KLRD1: variants seen among roughly 807,000 people sequenced by gnomAD.
KLRD1 encodes killer cell lectin like receptor D1, also known as natural killer cells antigen CD94.
Under a neutral mutation model 22.6 loss-of-function variants are expected in KLRD1, and 21 were observed. The ratio of observed to expected loss-of-function variants is 0.93; its 90% CI spans 0.66 to 1.34. The LOEUF (loss-of-function observed/expected upper bound fraction) is 1.34. Among genes scored for constraint, KLRD1 ranks in the 40% most tolerant of loss-of-function variants. The pLI is 0.00. For missense variants in KLRD1, 183 were observed against 208.6 expected (o/e 0.88, Z 0.76); for synonymous variants, 59 against 71.1 (o/e 0.83, Z 0.85).
rs1565480055 is a variant in KLRD1, at chr12:10,327,248, C to T, written c.*12455C>T. 1.3e-5 allele frequency: 2 copies of T among 152,120 alleles called. No individual in the cohort carries two copies. The allele number at this position is 152,120 out of a possible 1,614,324, so 9.4% of individuals were successfully genotyped here. A position where few individuals can be genotyped will look rare whatever the true frequency, so the allele number is the denominator to read the frequency against. Reference sequence around the variant, plus strand: ...AAGTTCTCCAATCTGTTTAATTGGTCTATATGTTCATCTTTATGCCAGTGC... The same window carrying T: ...AAGTTCTCCAATCTGTTTAATTGGTTTATATGTTCATCTTTATGCCAGTGC... On this transcript the variant is annotated 3_prime_UTR_variant, in exon 6 of 6. Coordinates refer to ENST00000336164, the MANE Select transcript of KLRD1 (RefSeq NM_002262.5).
intron 1 of KLRD1, among the ~76,000 whole-genome samples, chr12:10,292,305 A>T (rs1196736112): frequency 1.3e-5 from 2 of 152,250 alleles, no homozygotes; most frequent in Non-Finnish European, 2.9e-5. Flanking sequence ...GAAGCCTTTC[A>T]GAAAGTTTTG....
chr12:10,310,737 A>G (rs573784322), intron 3 of KLRD1, among the ~76,000 whole-genome samples: 4 of 152,248 alleles, frequency 2.6e-5, no homozygotes, highest in African/African-American at 9.6e-5. Flanking sequence ...GGGAGCTGAG[A>G]TGGTGCCACT....
intron 3 of KLRD1, among the ~76,000 whole-genome samples, chr12:10,310,538 G>A (rs569536453): frequency 6.6e-5 from 10 of 152,294 alleles, no homozygotes; most frequent in South Asian, 2.1e-4. Context: ...AGTGGCTCAC[G>A]TCTGTAATCC....
chr12:10,240,335 A>G lies in KLRD1; in HGVS notation c.-101+14102A>G, dbSNP rs139221260. On this transcript the variant is annotated intron_variant, in intron 1 of 5. Transcript: ENST00000544747. Reference sequence around the variant, plus strand: ...TTCTGCCTCCCAAAGTGCTGGGATTACAGGCTGAGTCACCATGCCCAGCCC... The same window carrying G: ...TTCTGCCTCCCAAAGTGCTGGGATTGCAGGCTGAGTCACCATGCCCAGCCC... Among the ~76,000 whole-genome samples the G allele has an allele frequency of 2.8e-3, 424 of 151,972 alleles. 2 individuals are homozygous for G. Among genetic ancestry groups the G allele is most frequent in the African/African-American group, 9.6e-3 (398 of 41,452 alleles).
chr12:10,273,561 A>G (rs1450816015), intron 1 of KLRD1, among the ~76,000 whole-genome samples: 1 of 152,228 alleles, frequency 6.6e-6, no homozygotes, highest in Non-Finnish European at 1.5e-5. Flanking sequence ...ACACCACAGT[A>G]ACCACAGGTC....
At chr12:10,314,387 A>G (rs1950172914) in intron 5 of KLRD1, among the ~76,000 whole-genome samples, 1 of 152,194 alleles carries the variant, frequency 6.6e-6, no homozygotes, top group Non-Finnish European at 1.5e-5. Flanking sequence ...TACATCTTAA[A>G]TAAAATAGAA....
intron 1 of KLRD1, among the ~76,000 whole-genome samples, chr12:10,239,470 C>A (rs796212684): frequency 7.8e-5 from 2 of 25,798 alleles, no homozygotes; most frequent in East Asian, 1.6e-3. Flanking sequence ...TCCTTCCTTC[C>A]TTCCTTCCTT....
intron 1 of KLRD1, among the ~76,000 whole-genome samples, chr12:10,239,553 TTCTTTC>T (rs1230637311): frequency 2.4e-5 from 3 of 125,782 alleles, no homozygotes; most frequent in African/African-American, 1.3e-4. Flanking sequence ...CTTTCTTTCT[TTCTTTC>T]TTTCTTTCTT....
At chr12:10,298,049 A>C (rs1021872360) in intron 1 of KLRD1, among the ~76,000 whole-genome samples, 2 of 152,204 alleles carry the variant, frequency 1.3e-5, no homozygotes, top group African/African-American at 4.8e-5. Flanking sequence ...ATAATGGTAC[A>C]TATATATCTT....
In KLRD1 at chr12:10,325,409, T is replaced by C. The variant is rs896974455; in HGVS notation, c.*10616T>C. On this transcript the variant is annotated 3_prime_UTR_variant, in exon 6 of 6. Transcript: ENST00000336164. ...TAAGATCTATCCTCTTAACAAATTT[T>C]CAAGTCTACAGTACAGTATTATTAA... The C allele has an allele frequency of 1.3e-5, 2 of 152,166 alleles. No homozygotes were observed. The highest frequency in any genetic ancestry group is 4.8e-5 in the African/African-American group (2 of 41,456). 9.4% of individuals were successfully genotyped at this position (152,166 alleles called of 1,614,324 possible).
At chr12:10,307,802 G>C (rs912231089), upstream of KLRD1, 2 of 374,470 alleles carry the variant, frequency 5.3e-6, no homozygotes. Flanking sequence ...TATTGCAAAA[G>C]TACTGTGAGA....
At chr12:10,268,812 C>A (rs962940600) in intron 1 of KLRD1, among the ~76,000 whole-genome samples, 1 of 152,174 alleles carries the variant, frequency 6.6e-6, no homozygotes, top group African/African-American at 2.4e-5. Context: ...TATAAATACT[C>A]TTAATCAAGT....
At chr12:10,248,128 A>G (rs1949309728) in intron 1 of KLRD1, among the ~76,000 whole-genome samples, 1 of 152,058 alleles carries the variant, frequency 6.6e-6, no homozygotes, top group Non-Finnish European at 1.5e-5. Context: ...AGTTATGTAC[A>G]TTGTTGGTCC....
chr12:10,296,950 C>CT (rs1451704348), intron 1 of KLRD1, among the ~76,000 whole-genome samples: 1 of 152,184 alleles, frequency 6.6e-6, no homozygotes, highest in Non-Finnish European at 1.5e-5. Flanking sequence ...TCTCCCATAA[C>CT]TTGTTAAGTG....
chr12:10,274,993 C>T (rs778196234), intron 1 of KLRD1, among the ~76,000 whole-genome samples: 4 of 152,046 alleles, frequency 2.6e-5, no homozygotes, highest in South Asian at 2.1e-4. Context: ...CAGGTTCAAG[C>T]GATTCTCTGC....
intron 1 of KLRD1, among the ~76,000 whole-genome samples, chr12:10,286,083 G>A (rs139732201): frequency 4.1e-3 from 631 of 152,054 alleles, no homozygotes; most frequent in Admixed American, 7.4e-3. Flanking sequence ...AACATCCTGC[G>A]GCCACACCAA....
intron 1 of KLRD1, among the ~76,000 whole-genome samples, chr12:10,239,434 TTTCC>T (rs1190408287): frequency 0.029 from 1,213 of 41,342 alleles, 80 homozygotes; most frequent in African/African-American, 0.064. Context: ...CCTTCCTTCC[TTTCC>T]TTCCTTCCTT....
rs1339881721 is a variant in KLRD1 at position 10,327,194 on chromosome 12, G to A, written c.*12401G>A. ...TAAATAGTCCTGCCACCCAAAGACC[G>A]TTTAACCATATTTGCAAAGTTTATT... On this transcript the variant is annotated 3_prime_UTR_variant, in exon 6 of 6. Transcript: ENST00000336164. 5.3e-5 allele frequency: 8 copies of A among 152,114 alleles called. No individual in the cohort carries two copies. Among genetic ancestry groups the A allele is most frequent in the Non-Finnish European group, 1.0e-4 (7 of 68,010 alleles). The allele number at this position is 152,114 out of a possible 1,614,324, so 9.4% of individuals were successfully genotyped here.
At chr12:10,287,192 T>C (rs907613528) in intron 1 of KLRD1, among the ~76,000 whole-genome samples, 1 of 152,124 alleles carries the variant, frequency 6.6e-6, no homozygotes, top group Admixed American at 6.5e-5. Flanking sequence ...GTTTTTTTGA[T>C]GATTAAAAAC....
Sources: gnomAD v4.1 joint callset for allele counts (sites outside exome capture counted in the v4.1 genomes callset) on GRCh38, gnomAD v4.1.1 for gene constraint, MANE v1.5 for transcripts, NCBI Gene and HGNC (gene_info 2026-07-23, HGNC 2026-07-21) for gene names.